The following MAGI3 variants were observed in gnomAD, a reference collection of about 807,000 sequenced individuals.
MAGI3 encodes membrane associated guanylate kinase, WW and PDZ domain containing 3.
A neutral mutation model predicts 121.8 loss-of-function variants in MAGI3; 43 were observed. The ratio of observed to expected loss-of-function variants is 0.35; its 90% CI spans 0.28 to 0.46. The LOEUF (loss-of-function observed/expected upper bound fraction) is 0.46, where lower values mean the gene tolerates loss of function less well. Among genes scored for constraint, MAGI3 ranks in the 20% least tolerant of loss-of-function variants. The pLI is 1.00. For synonymous variants in MAGI3, 553 were observed against 639.3 expected, an observed-to-expected ratio of 0.86 and a Z score of 2.04; for missense variants, 1,547 against 1,797.3, an observed-to-expected ratio of 0.86 and a Z score of 2.52.
intron 18 of MAGI3, 135 bp downstream of exon 18, chr1:113,672,876 TTGGCATTCTGC>T: frequency 8.5e-7 from 1 of 1,173,126 alleles, no homozygotes; most frequent in Non-Finnish European, 1.2e-6. Flanking sequence ...TGCCATGTGT[TTGGCATTCTGC>T]TGGCATTCAT....
chr1:113,679,002 A>G (rs1648043389), intron 19 of MAGI3, among the ~76,000 whole-genome samples: 1 of 152,064 alleles, frequency 6.6e-6, no homozygotes, highest in African/African-American at 2.4e-5. Flanking sequence ...ATATTTGAGT[A>G]TTTGCTTTTT....
intron 1 of MAGI3, among the ~76,000 whole-genome samples, chr1:113,441,771 A>G (rs1206057570): frequency 6.6e-6 from 1 of 152,180 alleles, no homozygotes; most frequent in Non-Finnish European, 1.5e-5. Flanking sequence ...CTCTATAATA[A>G]AAAAGTTAAG....
At chr1:113,433,179 T>C (rs996755595) in intron 1 of MAGI3, among the ~76,000 whole-genome samples, 1 of 152,176 alleles carries the variant, frequency 6.6e-6, no homozygotes, top group African/African-American at 2.4e-5. Flanking sequence ...GTGAAGAACC[T>C]GTGGGAGATG....
intron 4 of MAGI3, among the ~76,000 whole-genome samples, chr1:113,589,257 A>G (rs1281138180): frequency 1.3e-5 from 2 of 152,124 alleles, no homozygotes; most frequent in Non-Finnish European, 2.9e-5. Context: ...GAAAGAAGGT[A>G]TGAAATAATT....
chr1:113,487,365 T>G (rs940944727), intron 1 of MAGI3, among the ~76,000 whole-genome samples: 1 of 152,224 alleles, frequency 6.6e-6, no homozygotes, highest in African/African-American at 2.4e-5. Flanking sequence ...GGGTCTCTAC[T>G]ATAATTTTCC....
At chr1:113,471,058 G>A (rs1313539874) in intron 1 of MAGI3, among the ~76,000 whole-genome samples, 2 of 152,038 alleles carry the variant, frequency 1.3e-5, no homozygotes, top group East Asian at 1.9e-4. Flanking sequence ...TTACATTTAC[G>A]TCTTTAGTCC....
At chr1:113,581,247 C>G (rs907913402) in intron 3 of MAGI3, 4 of 152,108 alleles carry the variant, frequency 2.6e-5, no homozygotes, top group African/African-American at 9.7e-5. Context: ...CCATAGCACC[C>G]TACGCTATGG....
intron 1 of MAGI3, among the ~76,000 whole-genome samples, chr1:113,482,926 C>T (rs1431200922): frequency 1.3e-5 from 2 of 152,054 alleles, no homozygotes; most frequent in African/African-American, 2.4e-5. Flanking sequence ...CCACCTCAGC[C>T]TCCTGAGTAG....
At chr1:113,647,423 A>G (rs1652913167) in intron 12 of MAGI3, among the ~76,000 whole-genome samples, 1 of 152,178 alleles carries the variant, frequency 6.6e-6, no homozygotes, top group African/African-American at 2.4e-5. Context: ...TCAGAGGTGT[A>G]TGCAATTTGA....
chr1:113,435,839 A>G (rs1400951531), intron 1 of MAGI3, among the ~76,000 whole-genome samples: 1 of 152,176 alleles, frequency 6.6e-6, no homozygotes, highest in Non-Finnish European at 1.5e-5. Flanking sequence ...TGACCATTCT[A>G]TAAAATATAT....
rs780563043 is a variant in MAGI3, at chr1:113,683,716, A to C, written c.4148A>C (p.Glu1383Ala). Reference sequence around the variant, plus strand: ...ACAAGTAAAGAAGTATCTGAAAATGAAAAAGGAAAGAAAGTAACCACAGGA... The same window carrying C: ...ACAAGTAAAGAAGTATCTGAAAATGCAAAAGGAAAGAAAGTAACCACAGGA... ...KTTSKEVSEN[E>A]KGKKVTTGET... is the part of the protein sequence containing the mutation. The change falls in exon 21 of 21, where the codon GAA (glutamate) becomes GCA (alanine). Residue 1383 changes from glutamate to alanine, a missense_variant. Glu to Ala is a moderately radical substitution (Grantham distance 107). Transcript: ENST00000307546. The C allele has an allele frequency of 6.3e-7, 1 of 1,598,300 alleles. No individual in the cohort carries two copies. Among genetic ancestry groups the C allele is most frequent in the Non-Finnish European group, 8.5e-7 (1 of 1,172,566 alleles).
intron 1 of MAGI3, among the ~76,000 whole-genome samples, chr1:113,427,211 G>C (rs1195426624): frequency 1.3e-5 from 2 of 152,198 alleles, no homozygotes; most frequent in African/African-American, 4.8e-5. Context: ...GAGGCAGAAG[G>C]GTTTTGCCCA....
At chr1:113,620,691 C>T (rs1290539310) in intron 8 of MAGI3, among the ~76,000 whole-genome samples, 1 of 152,126 alleles carries the variant, frequency 6.6e-6, no homozygotes, top group African/African-American at 2.4e-5. Context: ...GGCTTGCCCT[C>T]AAGAGTTCAT....
intron 2 of MAGI3, among the ~76,000 whole-genome samples, chr1:113,579,013 A>C (rs1647842608): frequency 6.6e-6 from 1 of 152,196 alleles, no homozygotes; most frequent in South Asian, 2.1e-4. Context: ...GACTAAAAAC[A>C]GTAGGAGCAA....
At chr1:113,535,846 T>C (rs1658950942) in intron 1 of MAGI3, among the ~76,000 whole-genome samples, 1 of 152,162 alleles carries the variant, frequency 6.6e-6, no homozygotes, top group South Asian at 2.1e-4. Context: ...TTGATATTTC[T>C]ACAAGGTGTC....
At chr1:113,467,430 A>G (rs1428130939) in intron 1 of MAGI3, among the ~76,000 whole-genome samples, 3 of 152,004 alleles carry the variant, frequency 2.0e-5, no homozygotes, top group African/African-American at 7.3e-5. Context: ...TGTTGGTGAA[A>G]TGTTCTGTTA....
chr1:113,536,081 C>T (rs1658963377), intron 1 of MAGI3, among the ~76,000 whole-genome samples: 1 of 151,818 alleles, frequency 6.6e-6, no homozygotes, highest in African/African-American at 2.4e-5. Flanking sequence ...CCCACAATCC[C>T]ATGTATAGCC....
At chr1:113,643,441 C>T (rs1326936094) in intron 10 of MAGI3, among the ~76,000 whole-genome samples, 1 of 152,164 alleles carries the variant, frequency 6.6e-6, no homozygotes, top group East Asian at 1.9e-4. Flanking sequence ...ATAACAAAGA[C>T]ACCAAAGTTC....
intron 1 of MAGI3, among the ~76,000 whole-genome samples, chr1:113,474,186 G>A (rs938633386): frequency 4.0e-5 from 6 of 151,724 alleles, no homozygotes; most frequent in East Asian, 1.9e-4. Flanking sequence ...TGGGTAGATC[G>A]CAAAAATTTT....
Sources: allele counts gnomAD v4.1 joint callset (sites outside exome capture counted in the v4.1 genomes callset), GRCh38; gene constraint gnomAD v4.1.1; transcripts MANE v1.5; gene names NCBI Gene and HGNC (gene_info 2026-07-23, HGNC 2026-07-21).